Variants in SNTB1 observed in about 807,000 individuals in gnomAD.
SNTB1 encodes syntrophin beta 1, also known as beta-1-syntrophin.
SNTB1 carries 36 observed loss-of-function variants against 48.9 expected under a neutral mutation model. The ratio of observed to expected loss-of-function variants is 0.74; its 90% confidence interval spans 0.56 to 0.97. The LOEUF (loss-of-function observed/expected upper bound fraction) is 0.97, where lower values mean the gene tolerates loss of function less well. Ranked by LOEUF, SNTB1 falls within the 50% of genes least tolerant of loss-of-function variation. The pLI, the probability that SNTB1 is intolerant of heterozygous loss-of-function variation, is 0.00. For missense variants in SNTB1, 786 were observed against 703.4 expected, an observed-to-expected ratio of 1.12 and a Z score of -1.33; for synonymous variants, 299 against 294.6, an observed-to-expected ratio of 1.01 and a Z score of -0.15.
At chr8:120,571,051 C>A in intron 4 of SNTB1, 1 of 482,224 alleles carries the variant, frequency 2.1e-6, no homozygotes, top group South Asian at 2.9e-5. Context: ...CCAATTATAA[C>A]TCCTGGCACA....
At chr8:120,772,023 C>T (rs1461532387) in intron 1 of SNTB1, among the ~76,000 whole-genome samples, 2 of 152,088 alleles carry the variant, frequency 1.3e-5, no homozygotes, top group Non-Finnish European at 2.9e-5. Context: ...GCATGTGCCA[C>T]CACACCCGGC....
At chr8:120,771,468 A>G (rs1819628004) in intron 1 of SNTB1, among the ~76,000 whole-genome samples, 2 of 152,228 alleles carry the variant, frequency 1.3e-5, no homozygotes, top group African/African-American at 4.8e-5. Context: ...ATTGCATCAC[A>G]AGTGTTTAAA....
At chr8:120,760,055 C>CA (rs1398021695) in intron 1 of SNTB1, among the ~76,000 whole-genome samples, 1 of 152,170 alleles carries the variant, frequency 6.6e-6, no homozygotes, top group African/African-American at 2.4e-5. Context: ...ACTACATAAA[C>CA]AAATGAGAAT....
Position 120,537,152 on chromosome 8 carries a change from A to AG in SNTB1, c.*1724_*1725insC, listed in dbSNP as rs398112960. ...TTTTCTAAAGCATTAAAAAAAAAAA[A>AG]CAAATAACAACAACAAAAAAACCCA... On this transcript the variant is annotated 3_prime_UTR_variant, in exon 7 of 7. Coordinates refer to ENST00000517992, the MANE Select transcript of SNTB1 (RefSeq NM_021021.4). 6.6e-6 allele frequency: 1 copy of AG among 151,198 alleles called. No individual in the cohort carries two copies. The highest frequency in any genetic ancestry group is 2.4e-5 in the African/African-American group (1 of 41,070). The allele number at this position is 151,198 out of a possible 1,614,324, so 9.4% of individuals were successfully genotyped here.
chr8:120,569,960 CT>C (rs1006923911), intron 4 of SNTB1, among the ~76,000 whole-genome samples: 1 of 152,222 alleles, frequency 6.6e-6, no homozygotes, highest in Non-Finnish European at 1.5e-5. Flanking sequence ...GCTCCTCTCT[CT>C]TTTTGTCCTT....
At chr8:120,792,121 CCA>C (rs1820045935) in intron 1 of SNTB1, among the ~76,000 whole-genome samples, 2 of 147,722 alleles carry the variant, frequency 1.4e-5, no homozygotes, top group Non-Finnish European at 3.0e-5. Context: ...ACACACACAC[CCA>C]CACACACATA....
chr8:120,779,877 C>T (rs975448678), intron 1 of SNTB1, among the ~76,000 whole-genome samples: 1 of 151,938 alleles, frequency 6.6e-6, no homozygotes, highest in African/African-American at 2.4e-5. Flanking sequence ...GCCTGAAGTT[C>T]GGGATAGAGG....
chr8:120,664,503 GA>G (rs1464287262), intron 2 of SNTB1, among the ~76,000 whole-genome samples: 2 of 152,066 alleles, frequency 1.3e-5, no homozygotes, highest in Admixed American at 1.3e-4. Context: ...GCATTTTCTA[GA>G]ATTTTAATAA....
chr8:120,548,716 A>ATCT (rs1815424749), intron 5 of SNTB1, 46 bp downstream of exon 5: 1 of 1,575,316 alleles, frequency 6.3e-7, no homozygotes. Context: ...TAGAGGGTTC[A>ATCT]TCTTCCCGTA....
intron 2 of SNTB1, among the ~76,000 whole-genome samples, chr8:120,655,652 G>A (rs1432308906): frequency 6.6e-6 from 1 of 152,138 alleles, no homozygotes; most frequent in African/African-American, 2.4e-5. Context: ...TGAAAGCAGG[G>A]AACATATTTT....
intron 3 of SNTB1, among the ~76,000 whole-genome samples, chr8:120,612,805 G>A (rs1354574057): frequency 7.9e-5 from 12 of 152,168 alleles, no homozygotes; most frequent in East Asian, 7.7e-4. Flanking sequence ...TGTGGCACAC[G>A]TGGTATTTTG....
intron 1 of SNTB1, among the ~76,000 whole-genome samples, chr8:120,695,466 T>C (rs933132919): frequency 1.3e-5 from 2 of 152,168 alleles, no homozygotes; most frequent in African/African-American, 4.8e-5. Flanking sequence ...CAGAAGCCGC[T>C]AAGCTCAGGA....
At chr8:120,649,482 G>A (rs1215125219) in intron 2 of SNTB1, among the ~76,000 whole-genome samples, 2 of 141,358 alleles carry the variant, frequency 1.4e-5, no homozygotes, top group Non-Finnish European at 3.1e-5. Context: ...GCTGCTCGGG[G>A]GTCAGGGGTC....
intron 3 of SNTB1, among the ~76,000 whole-genome samples, chr8:120,606,621 C>A (rs1394434845): frequency 6.6e-6 from 1 of 152,074 alleles, no homozygotes; most frequent in Non-Finnish European, 1.5e-5. Flanking sequence ...AATTGAAGGT[C>A]ATTATTCACT....
chr8:120,780,376 C>T (rs964412297), intron 1 of SNTB1, among the ~76,000 whole-genome samples: 1 of 152,164 alleles, frequency 6.6e-6, no homozygotes, highest in African/African-American at 2.4e-5. Flanking sequence ...TTTCTGACTC[C>T]ACTTTGGTGA....
chr8:120,741,519 G>A (rs1482830025), intron 1 of SNTB1, among the ~76,000 whole-genome samples: 3 of 152,320 alleles, frequency 2.0e-5, no homozygotes, highest in Non-Finnish European at 2.9e-5. Flanking sequence ...TGAAGTGGGA[G>A]GATTGCTTGA....
chr8:120,557,114 G>A (rs1338423682), intron 4 of SNTB1, among the ~76,000 whole-genome samples: 2 of 152,090 alleles, frequency 1.3e-5, no homozygotes, highest in African/African-American at 2.4e-5. Flanking sequence ...GTCTATATAC[G>A]GAAAGGTTTC....
intron 4 of SNTB1, among the ~76,000 whole-genome samples, chr8:120,562,527 C>G (rs186662440): frequency 1.6e-4 from 24 of 152,178 alleles, no homozygotes; most frequent in Admixed American, 1.2e-3. Context: ...AAGGCAAACC[C>G]CACACTTTTC....
chr8:120,795,265 C>A (rs535406188), intron 1 of SNTB1, among the ~76,000 whole-genome samples: 34 of 150,522 alleles, frequency 2.3e-4, no homozygotes, highest in Admixed American at 2.2e-3. Context: ...AAACAAAAAA[C>A]AAAACAAAAA....
Sources: allele counts gnomAD v4.1 joint callset (sites outside exome capture counted in the v4.1 genomes callset), GRCh38; gene constraint gnomAD v4.1.1; transcripts MANE v1.5; gene names NCBI Gene and HGNC (gene_info 2026-07-23, HGNC 2026-07-21).